ARL15: variants seen among roughly 807,000 people sequenced by gnomAD.
ARL15 encodes ADP-ribosylation factor-like protein 15.
A neutral mutation model predicts 25.2 loss-of-function variants in ARL15; 19 were observed. The ratio of observed to expected loss-of-function variants is 0.75; its 90% CI spans 0.53 to 1.10. The LOEUF (loss-of-function observed/expected upper bound fraction) is 1.10. ARL15 is among the 50% of genes least tolerant of loss of function. ARL15 has a pLI of 0.00. For synonymous variants in ARL15, 94 were observed against 86.8 expected, an observed-to-expected ratio of 1.08 and a Z score of -0.46; for missense variants, 220 against 246.0, an observed-to-expected ratio of 0.89 and a Z score of 0.71.
At chr5:54,196,894 A>C (rs1755565014) in intron 1 of ARL15, among the ~76,000 whole-genome samples, 1 of 152,162 alleles carries the variant, frequency 6.6e-6, no homozygotes, top group South Asian at 2.1e-4. Context: ...GAGAAATGGA[A>C]GAAAACAAGA....
intron 4 of ARL15, among the ~76,000 whole-genome samples, chr5:54,104,322 C>T (rs953922755): frequency 6.6e-6 from 1 of 152,132 alleles, no homozygotes; most frequent in South Asian, 2.1e-4. Flanking sequence ...TAGGGAATGT[C>T]TTCTTCAGAC....
chr5:54,236,293 T>C (rs1295511608), intron 1 of ARL15, among the ~76,000 whole-genome samples: 2 of 151,964 alleles, frequency 1.3e-5, no homozygotes, highest in Non-Finnish European at 2.9e-5. Context: ...TAGCTTTGAG[T>C]TTTTATAGAT....
intron 4 of ARL15, among the ~76,000 whole-genome samples, chr5:54,056,368 G>A (rs996815336): frequency 5.3e-5 from 8 of 151,960 alleles, no homozygotes; most frequent in Admixed American, 1.3e-4. Context: ...GCAGTGGCTC[G>A]CACCTGTAAT....
At chr5:54,043,555 T>C (rs1750409425) in intron 4 of ARL15, among the ~76,000 whole-genome samples, 1 of 152,188 alleles carries the variant, frequency 6.6e-6, no homozygotes, top group African/African-American at 2.4e-5. Flanking sequence ...GGAAATTTCC[T>C]TTAGGAAGTG....
At chr5:54,087,089 C>A (rs1051832170) in intron 4 of ARL15, among the ~76,000 whole-genome samples, 3 of 152,094 alleles carry the variant, frequency 2.0e-5, no homozygotes, top group Non-Finnish European at 4.4e-5. Flanking sequence ...GTAATCGCAG[C>A]ACTTTGAGAG....
At position 54,298,245 on chromosome 5, in the gene ARL15, G is replaced by A. The variant is rs1019376783; in HGVS notation, c.48+12187C>T. On this transcript the variant is annotated intron_variant, in intron 1 of 4. Transcript: ENST00000504924. ...AAACCCTAACCCTTACCAATCTAAC[G>A]GCCCACCTTCTTAAAACTACATCTA... Among the ~76,000 whole-genome samples, 4 of 152,002 alleles carry A rather than the reference G, an allele frequency of 2.6e-5. No individual in the cohort carries two copies. The South Asian group carries it at 6.2e-4, about 24-fold the overall frequency.
At chr5:53,900,088 C>A (rs1334234302) in intron 4 of ARL15, among the ~76,000 whole-genome samples, 1 of 152,178 alleles carries the variant, frequency 6.6e-6, no homozygotes, top group Non-Finnish European at 1.5e-5. Context: ...CCAACTTAAA[C>A]TGGCCTAAAA....
intron 1 of ARL15, among the ~76,000 whole-genome samples, chr5:54,252,629 T>C (rs1188572059): frequency 2.0e-5 from 3 of 152,176 alleles, no homozygotes; most frequent in African/African-American, 7.2e-5. Flanking sequence ...AAAATTAACA[T>C]GGAGTTCATT....
chr5:54,293,625 T>G (rs1253420133), intron 1 of ARL15, among the ~76,000 whole-genome samples: 1 of 152,194 alleles, frequency 6.6e-6, no homozygotes, highest in East Asian at 1.9e-4. Flanking sequence ...TCTCACTCAG[T>G]GCATGAACCC....
intron 4 of ARL15, among the ~76,000 whole-genome samples, chr5:54,063,000 C>A (rs1425674293): frequency 1.3e-5 from 2 of 152,120 alleles, no homozygotes; most frequent in Admixed American, 6.6e-5. Flanking sequence ...TATTTAAATT[C>A]CCCATTGTGC....
chr5:53,961,536 G>A (rs1182158872), intron 4 of ARL15, among the ~76,000 whole-genome samples: 2 of 147,804 alleles, frequency 1.4e-5, no homozygotes, highest in Non-Finnish European at 1.5e-5. Flanking sequence ...CCCATTGATT[G>A]ATTTTATATT....
chr5:54,198,719 G>T (rs1372189927), intron 1 of ARL15, among the ~76,000 whole-genome samples: 2 of 151,256 alleles, frequency 1.3e-5, no homozygotes, highest in Non-Finnish European at 2.9e-5. Flanking sequence ...TAGCCATACT[G>T]CCCAAGGTAA....
In ARL15 at chr5:53,954,299, C is replaced by T. The variant is rs1433551802; in HGVS notation, c.463-67586G>A. Reference sequence around the variant, plus strand: ...TGTATATATCCTCTCCATCCATCATCTGCAAATACCTTCCTCTGTCTTGGG... The same window carrying T: ...TGTATATATCCTCTCCATCCATCATTTGCAAATACCTTCCTCTGTCTTGGG... On this transcript the variant is annotated intron_variant, in intron 4 of 4. Transcript: ENST00000504924. 3.3e-5 allele frequency among the ~76,000 whole-genome samples: 5 copies of T among 152,230 alleles called. No homozygotes were observed. In the East Asian group the frequency reaches 9.6e-4, roughly 29 times the overall value.
chr5:54,066,848 T>A (rs921740002), intron 4 of ARL15, among the ~76,000 whole-genome samples: 24 of 152,106 alleles, frequency 1.6e-4, no homozygotes, highest in African/African-American at 4.8e-4. Flanking sequence ...TATAAAAAAA[T>A]TATTACTAAA....
At chr5:54,125,912 T>C (rs1370648875) in intron 3 of ARL15, among the ~76,000 whole-genome samples, 1 of 152,200 alleles carries the variant, frequency 6.6e-6, no homozygotes, top group African/African-American at 2.4e-5. Context: ...CGACTCATGA[T>C]TCCCCCAGTC....
chr5:54,133,470 C>A (rs935337702), intron 3 of ARL15, among the ~76,000 whole-genome samples: 1 of 152,074 alleles, frequency 6.6e-6, no homozygotes, highest in East Asian at 1.9e-4. Flanking sequence ...TTATCCATGG[C>A]CAAATACGTG....
At chr5:54,144,976 C>T (rs935045013) in intron 3 of ARL15, among the ~76,000 whole-genome samples, 2 of 152,118 alleles carry the variant, frequency 1.3e-5, no homozygotes, top group Admixed American at 6.5e-5. Context: ...TCTTTTATTT[C>T]GTGTTTCCAT....
At position 53,919,339 on chromosome 5, in the gene ARL15, G is replaced by A. The variant is rs143726597; in HGVS notation, c.463-32626C>T. On this transcript the variant is annotated intron_variant, in intron 4 of 4. Coordinates refer to ENST00000504924, the MANE Select transcript of ARL15 (RefSeq NM_019087.3). ...CATTGAAATGAATGCAGAATGGTTT[G>A]CAGAACCGTAAATAATCATGGTAGA... Among the ~76,000 whole-genome samples, 769 of 152,294 alleles carry A rather than the reference G, an allele frequency of 5.0e-3. 7 individuals are homozygous for A. Among genetic ancestry groups the A allele is most frequent in the African/African-American group, 0.018 (737 of 41,564 alleles).
At chr5:54,088,556 C>G (rs564324827) in intron 4 of ARL15, among the ~76,000 whole-genome samples, 2 of 152,132 alleles carry the variant, frequency 1.3e-5, no homozygotes, top group Non-Finnish European at 2.9e-5. Flanking sequence ...CCTGATGAAA[C>G]AACCAAGGCA....
Sources: allele counts gnomAD v4.1 joint callset (sites outside exome capture counted in the v4.1 genomes callset), GRCh38; gene constraint gnomAD v4.1.1; transcripts MANE v1.5; gene names NCBI Gene and HGNC (gene_info 2026-07-23, HGNC 2026-07-21).